The following STX3 variants were observed in gnomAD, a reference collection of about 807,000 sequenced individuals.
STX3 encodes the protein syntaxin-3.
In STX3, 19 loss-of-function variants were observed where a neutral mutation model predicts 40.2. That is an observed-to-expected ratio of 0.47 (90% CI 0.33 to 0.69). The LOEUF (loss-of-function observed/expected upper bound fraction) is 0.69. Among genes scored for constraint, STX3 ranks in the 30% least tolerant of loss-of-function variants. The probability of loss-of-function intolerance (pLI) is 0.02; values close to 1 mark genes in which losing one functional copy is unlikely to be tolerated. For missense variants in STX3, 364 were observed against 366.7 expected, an observed-to-expected ratio of 0.99 and a Z score of 0.06; for synonymous variants, 122 against 132.2, an observed-to-expected ratio of 0.92 and a Z score of 0.53.
intron 1 of STX3, among the ~76,000 whole-genome samples, chr11:59,756,169 C>G (rs1048490777): frequency 1.3e-5 from 2 of 152,224 alleles, no homozygotes; most frequent in Admixed American, 6.5e-5. Context: ...CATTGTCCCC[C>G]CCTCCCCCGC....
chr11:59,801,094 T>G lies in STX3; in HGVS notation c.*270T>G, dbSNP rs1208441615. 7.1e-7 allele frequency: 1 copy of G among 1,408,530 alleles called. No homozygotes were observed. The highest frequency in any genetic ancestry group is 9.2e-7 in the Non-Finnish European group (1 of 1,082,906). The allele number at this position is 1,408,530 out of a possible 1,614,324, so 87.3% of individuals were successfully genotyped here. A position where few individuals can be genotyped will look rare whatever the true frequency, so the allele number is the denominator to read the frequency against. ...CAAGTACCTTTTCTCCTGGACTGTGTGGACCCACCCAGCTTTCTTCCTCCC... is the reference window on the plus strand; with the variant it reads ...CAAGTACCTTTTCTCCTGGACTGTGGGGACCCACCCAGCTTTCTTCCTCCC... On this transcript the variant is annotated 3_prime_UTR_variant, in exon 11 of 11. Transcript: ENST00000337979.
Position 59,800,763 on chromosome 11 carries a change from C to T in STX3, c.*31-92C>T, listed in dbSNP as rs536168622. 2.1e-4 allele frequency: 321 copies of T among 1,529,842 alleles called. 4 individuals carry two copies. The South Asian group carries it at 3.5e-3, about 17-fold the overall frequency. 94.8% of individuals were successfully genotyped at this position (1,529,842 alleles called of 1,614,324 possible). A position where few individuals can be genotyped will look rare whatever the true frequency, so the allele number is the denominator to read the frequency against. On this transcript the variant is annotated intron_variant, in intron 10 of 10. Transcript: ENST00000337979. ...ATTTCATAGTGATTTCTGGTCTTTC[C>T]TCCCCACCTTCCAGGTTTGTGGCTG...
At chr11:59,792,061 G>A (rs971499965) in intron 5 of STX3, 46 bp from the exon 6 acceptor site, 5 of 1,490,822 alleles carry the variant, frequency 3.4e-6, no homozygotes, top group Non-Finnish European at 4.7e-6. Flanking sequence ...TTCTATAACA[G>A]TTACAGAACC....
At chr11:59,756,289 GT>G (rs1328450170) in intron 1 of STX3, among the ~76,000 whole-genome samples, 1 of 152,162 alleles carries the variant, frequency 6.6e-6, no homozygotes, top group African/African-American at 2.4e-5. Flanking sequence ...GTGAGTCTCT[GT>G]TTCCTTATCT....
chr11:59,760,329 T>C (rs1306184936), intron 1 of STX3, among the ~76,000 whole-genome samples: 2 of 152,080 alleles, frequency 1.3e-5, no homozygotes, highest in Admixed American at 6.6e-5. Flanking sequence ...TAGGTAGTAG[T>C]GTTCTGTAAC....
intron 1 of STX3, among the ~76,000 whole-genome samples, chr11:59,756,299 C>T (rs903673059): frequency 2.0e-5 from 3 of 152,206 alleles, no homozygotes; most frequent in Admixed American, 6.5e-5. Context: ...GTTTCCTTAT[C>T]TATCAAATGG....
At chr11:59,787,719 A>ACT (rs1186479183) in intron 3 of STX3, among the ~76,000 whole-genome samples, 2 of 152,168 alleles carry the variant, frequency 1.3e-5, no homozygotes, top group East Asian at 3.8e-4. Context: ...ATACACTAAC[A>ACT]CTAACGATAG....
intron 1 of STX3, among the ~76,000 whole-genome samples, chr11:59,764,609 T>G (rs1863195259): frequency 6.6e-6 from 1 of 152,154 alleles, no homozygotes; most frequent in Non-Finnish European, 1.5e-5. Context: ...TGGTATCCCC[T>G]GAAATAAGCG....
intron 2 of STX3, chr11:59,781,390 A>G (rs1031216633): frequency 1.2e-6 from 2 of 1,601,870 alleles, no homozygotes; most frequent in Non-Finnish European, 1.7e-6. Context: ...CCATCTTTCA[A>G]TTTTCTTGTT....
intron 1 of STX3, among the ~76,000 whole-genome samples, chr11:59,764,875 C>G (rs1863207064): frequency 6.9e-6 from 1 of 144,000 alleles, no homozygotes; most frequent in Admixed American, 7.2e-5. Context: ...AACACACACA[C>G]ACATTATCTA....
chr11:59,781,357 T>C (rs1864369883), intron 2 of STX3: 3 of 1,594,004 alleles, frequency 1.9e-6, no homozygotes, highest in South Asian at 1.1e-5. Flanking sequence ...ACATTGTTCA[T>C]GACACACTCC....
Position 59,792,191 on chromosome 11 carries a change from C to T in STX3, c.442C>T (p.Arg148Ter), listed in dbSNP as rs1310783792. The T allele has an allele frequency of 4.3e-6, 7 of 1,613,822 alleles. No homozygotes were observed. Among genetic ancestry groups the T allele is most frequent in the East Asian group, 2.2e-5 (1 of 44,894 alleles). Residue 148 changes from arginine (R) to a stop codon, truncating the protein, a stop_gained, in exon 6 of 11, where the codon CGA becomes TGA. Coordinates refer to ENST00000337979, the MANE Select transcript of STX3 (RefSeq NM_004177.5). LOFTEE classifies it high-confidence loss of function. ...GGACTTCCGAGAACGCAGCAAAGGG[C>T]GAATCCAGCGGCAGCTCGAAATTAG... ...QVDFRERSKGRIQRQLEITGK... is the reference protein window; with the variant it reads ...QVDFRERSKG
In STX3 at chr11:59,790,561, C is replaced by T. The variant is rs760645051; in HGVS notation, c.332C>T (p.Ala111Val). 1 of 1,614,038 alleles carries T rather than the reference C, an allele frequency of 6.2e-7. No homozygotes were observed. ...GAAGAAGATGAGGTCAGGTCATCGG[C>T]AGACCTTCGGATTCGGAAATCCCAG... ...HIEEDEVRSS[A>V]DLRIRKSQHS... is the part of the protein sequence containing the mutation. Residue 111 changes from alanine (A) to valine (V), a missense_variant, in exon 5 of 11, where the codon GCA (alanine) becomes GTA (valine). Coordinates refer to ENST00000337979, the MANE Select transcript of STX3 (RefSeq NM_004177.5).
At chr11:59,781,431 T>C (rs1250331021) in intron 2 of STX3, 4 of 1,611,122 alleles carry the variant, frequency 2.5e-6, no homozygotes, top group Non-Finnish European at 3.4e-6. Context: ...CCACTCCTGA[T>C]GCTGAACCAA....
chr11:59,757,036 G>A (rs1339330276), intron 1 of STX3, among the ~76,000 whole-genome samples: 1 of 152,222 alleles, frequency 6.6e-6, no homozygotes, highest in Non-Finnish European at 1.5e-5. Flanking sequence ...GTTGCCTATT[G>A]TGGGAGTGGC....
chr11:59,790,737 G>A, intron 5 of STX3, 151 bp downstream of exon 5: 1 of 645,738 alleles, frequency 1.5e-6, no homozygotes, highest in Non-Finnish European at 2.7e-6. Flanking sequence ...TGAAATAGGG[G>A]TCAGGGCCAG....
intron 10 of STX3, among the ~76,000 whole-genome samples, chr11:59,798,916 G>GTGTTGA (rs2135044176): frequency 6.7e-6 from 1 of 150,024 alleles, no homozygotes; most frequent in East Asian, 2.0e-4. Flanking sequence ...TTGAGATTGT[G>GTGTTGA]TGTTGCTCTG....
intron 1 of STX3, among the ~76,000 whole-genome samples, chr11:59,767,150 T>C (rs1863320914): frequency 6.6e-6 from 1 of 152,094 alleles, no homozygotes. Context: ...GAGGAGGTCA[T>C]AACCCTGGCT....
At position 59,773,228 on chromosome 11, in the gene STX3, T is replaced by C. The variant is rs749563105; in HGVS notation, c.48T>C (p.Asp16=). Residue 16 remains aspartate, a synonymous_variant, in exon 2 of 11, where the codon GAT becomes GAC. Coordinates refer to ENST00000337979, the MANE Select transcript of STX3 (RefSeq NM_004177.5). ...TTTTGCAGAAGCAGCTGACACAGGATGATGATACTGATGCGGTTGAGATTG... is the reference window on the plus strand; with the variant it reads ...TTTTGCAGAAGCAGCTGACACAGGACGATGATACTGATGCGGTTGAGATTG... ...EQLKAKQLTQ[D]DDTDAVEIAI... The C allele has an allele frequency of 9.9e-6, 16 of 1,614,204 alleles. No individual in the cohort carries two copies. The East Asian group carries it at 3.6e-4, about 36-fold the overall frequency.
Sources: gnomAD v4.1 joint callset for allele counts (sites outside exome capture counted in the v4.1 genomes callset) on GRCh38, gnomAD v4.1.1 for gene constraint, MANE v1.5 for transcripts, NCBI Gene and HGNC (gene_info 2026-07-23, HGNC 2026-07-21) for gene names.